Variants in AGK observed in about 807,000 individuals in gnomAD.
The protein encoded by AGK is acylglycerol kinase, mitochondrial.
A neutral mutation model predicts 66.4 loss-of-function variants in AGK; 52 were observed. The observed-to-expected ratio is 0.78, with a 90% CI of 0.63 to 0.99. The LOEUF (loss-of-function observed/expected upper bound fraction) is 0.99. AGK is among the 50% of genes least tolerant of loss of function. AGK has a pLI of 0.00. For missense variants in AGK, 451 were observed against 506.6 expected (o/e 0.89, Z 1.05); for synonymous variants, 182 against 181.1 (o/e 1.00, Z -0.04).
intron 13 of AGK, among the ~76,000 whole-genome samples, chr7:141,642,493 C>G (rs1054302961): frequency 1.1e-4 from 16 of 152,106 alleles, no homozygotes; most frequent in African/African-American, 3.9e-4. Context: ...TGCTCAACAG[C>G]CATATGTAGC....
chr7:141,652,867 G>T lies in AGK; in HGVS notation c.1212G>T (p.Leu404=). 6.2e-7 allele frequency: 1 copy of T among 1,614,082 alleles called. No individual in the cohort carries two copies. Among genetic ancestry groups the T allele is most frequent in the East Asian group, 2.2e-5 (1 of 44,868 alleles). Residue 404 remains leucine (L), a synonymous_variant, in exon 16 of 16, where the codon CTG becomes CTT. Transcript: ENST00000649286. ...AGGTGAAACTGCTCCCCAGGAAGCTGCAGTTCTTCTGTGATCCTAGGAAGA... is the reference window on the plus strand; with the variant it reads ...AGGTGAAACTGCTCCCCAGGAAGCTTCAGTTCTTCTGTGATCCTAGGAAGA... ...PVEVKLLPRK[L]QFFCDPRKRE...
At chr7:141,597,463 ATAAT>A (rs1796251537) in intron 4 of AGK, 2 of 152,218 alleles carry the variant, frequency 1.3e-5, no homozygotes, top group Admixed American at 1.3e-4. Flanking sequence ...TTTAGAATAA[ATAAT>A]TAACATTTTA....
At chr7:141,651,057 AG>A (rs1262544292) in intron 14 of AGK, among the ~76,000 whole-genome samples, 1 of 152,242 alleles carries the variant, frequency 6.6e-6, no homozygotes, top group Non-Finnish European at 1.5e-5. Context: ...ACAGATAGGA[AG>A]GGTTATCAGA....
At chr7:141,645,293 T>C (rs1055010609) in intron 13 of AGK, among the ~76,000 whole-genome samples, 9 of 152,156 alleles carry the variant, frequency 5.9e-5, no homozygotes, top group Admixed American at 2.6e-4. Flanking sequence ...GTTATCTTAA[T>C]TTTTATGCTA....
chr7:141,557,741 A>G (rs536103187), intron 2 of AGK, among the ~76,000 whole-genome samples: 1 of 152,138 alleles, frequency 6.6e-6, no homozygotes, highest in Admixed American at 6.5e-5. Context: ...CTTGACATTC[A>G]ATGTTACTGC....
At chr7:141,601,635 C>T (rs962484824) in intron 5 of AGK, among the ~76,000 whole-genome samples, 2 of 152,116 alleles carry the variant, frequency 1.3e-5, no homozygotes, top group Non-Finnish European at 2.9e-5. Context: ...GTTCCACAAA[C>T]AGGTAAACCA....
chr7:141,597,765 C>T (rs1258600496), intron 4 of AGK, among the ~76,000 whole-genome samples: 3 of 151,514 alleles, frequency 2.0e-5, no homozygotes, highest in Non-Finnish European at 4.4e-5. Context: ...GTAGCATTTA[C>T]CTGTAGTTGC....
chr7:141,602,978 G>A (rs777129753), intron 5 of AGK, among the ~76,000 whole-genome samples: 1 of 151,864 alleles, frequency 6.6e-6, no homozygotes, highest in African/African-American at 2.4e-5. Flanking sequence ...AGACTTAATT[G>A]CATTTTGGCC....
At chr7:141,608,193 T>C (rs557870613) in intron 5 of AGK, among the ~76,000 whole-genome samples, 21 of 152,272 alleles carry the variant, frequency 1.4e-4, no homozygotes, top group African/African-American at 5.1e-4. Flanking sequence ...ATTTGTCAGA[T>C]GGCAATGAGT....
chr7:141,606,302 T>C (rs1796459340), intron 5 of AGK, among the ~76,000 whole-genome samples: 1 of 152,208 alleles, frequency 6.6e-6, no homozygotes, highest in African/African-American at 2.4e-5. Context: ...CCGGTTTCTT[T>C]CCATGAGGTA....
chr7:141,582,093 C>T (rs560399936), intron 2 of AGK, among the ~76,000 whole-genome samples: 2 of 152,170 alleles, frequency 1.3e-5, no homozygotes, highest in South Asian at 4.1e-4. Flanking sequence ...TCTTCAGCCG[C>T]TAAGTCAAGA....
intron 8 of AGK, among the ~76,000 whole-genome samples, chr7:141,620,961 G>A (rs887108126): frequency 3.3e-5 from 5 of 152,190 alleles, no homozygotes; most frequent in Non-Finnish European, 5.9e-5. Flanking sequence ...CCTTGCATGT[G>A]GGAGAAGGGA....
chr7:141,569,722 C>T (rs1007570800), intron 2 of AGK, among the ~76,000 whole-genome samples: 4 of 152,084 alleles, frequency 2.6e-5, no homozygotes, highest in Non-Finnish European at 4.4e-5. Flanking sequence ...TTAGGGGCAG[C>T]AAGATGAAGT....
intron 11 of AGK, among the ~76,000 whole-genome samples, chr7:141,639,622 CT>C (rs1191074423): frequency 5.3e-5 from 8 of 152,150 alleles, no homozygotes; most frequent in Non-Finnish European, 8.8e-5. Context: ...CCCTGATATT[CT>C]CACTGAAGTG....
chr7:141,619,748 C>T (rs1002853640), intron 8 of AGK, among the ~76,000 whole-genome samples: 2 of 150,716 alleles, frequency 1.3e-5, no homozygotes, highest in Non-Finnish European at 2.9e-5. Context: ...GGTGCAAATA[C>T]GAAATGGTAG....
intron 5 of AGK, among the ~76,000 whole-genome samples, chr7:141,604,173 T>C (rs1184744831): frequency 6.6e-6 from 1 of 151,804 alleles, no homozygotes; most frequent in Admixed American, 6.6e-5. Flanking sequence ...ACCACTACTC[T>C]TTACAGGGTT....
At chr7:141,564,484 A>T (rs766438333) in intron 2 of AGK, among the ~76,000 whole-genome samples, 4 of 152,072 alleles carry the variant, frequency 2.6e-5, no homozygotes, top group Non-Finnish European at 5.9e-5. Flanking sequence ...ACTCACTTTC[A>T]TGAGCACAGG....
intron 1 of AGK, among the ~76,000 whole-genome samples, chr7:141,554,552 A>G (rs1795167293): frequency 6.6e-6 from 1 of 152,190 alleles, no homozygotes; most frequent in Non-Finnish European, 1.5e-5. Context: ...TCATTGAACA[A>G]ATATTTCTTA....
intron 14 of AGK, among the ~76,000 whole-genome samples, chr7:141,650,174 T>G (rs1004893965): frequency 1.3e-5 from 2 of 152,234 alleles, no homozygotes; most frequent in South Asian, 2.1e-4. Flanking sequence ...CACAGGCACA[T>G]AAGTTTGTTG....
Sources: allele counts gnomAD v4.1 joint callset (sites outside exome capture counted in the v4.1 genomes callset), GRCh38; gene constraint gnomAD v4.1.1; transcripts MANE v1.5; gene names NCBI Gene and HGNC (gene_info 2026-07-23, HGNC 2026-07-21).